Variants in NARS1 observed in about 807,000 individuals in gnomAD.
The protein encoded by NARS1 is asparaginyl-tRNA synthetase 1.
NARS1 carries 65 observed loss-of-function variants against 79.2 expected under a neutral mutation model. The observed-to-expected ratio is 0.82, with a 90% CI of 0.67 to 1.01. NARS1 has a LOEUF of 1.01. NARS1 is among the 50% of genes least tolerant of loss of function. The pLI, the probability that NARS1 is intolerant of heterozygous loss-of-function variation, is 0.00. For missense variants in NARS1, 649 were observed against 673.8 expected, an observed-to-expected ratio of 0.96 and a Z score of 0.41; for synonymous variants, 229 against 238.8, an observed-to-expected ratio of 0.96 and a Z score of 0.38.
At chr18:57,620,750 G>A (rs920027506) in intron 1 of NARS1, 99 bp from the exon 2 acceptor site, 6 of 635,924 alleles carry the variant, frequency 9.4e-6, no homozygotes, top group African/African-American at 9.3e-5. Flanking sequence ...AACAAGCATC[G>A]ATTAATAAAA....
chr18:57,616,077 A>C, intron 2 of NARS1, 102 bp from the exon 3 acceptor site: 1 of 1,071,950 alleles, frequency 9.3e-7, no homozygotes. Flanking sequence ...TCTAAGCATA[A>C]AGACCCCAAC....
At chr18:57,604,847 C>T (rs1022766881) in intron 11 of NARS1, among the ~76,000 whole-genome samples, 2 of 152,114 alleles carry the variant, frequency 1.3e-5, no homozygotes, top group Non-Finnish European at 2.9e-5. Flanking sequence ...TATGATCGCA[C>T]CAATGCATTC....
In NARS1 at chr18:57,607,530, C is replaced by T; in HGVS notation, c.715G>A (p.Gly239Arg). ...TTTAGGATTTTGGACATGTTTTCTCCTCGGATCATCATGTGTCTGTTGTTG... is the reference window on the plus strand; with the variant it reads ...TTTAGGATTTTGGACATGTTTTCTCTTCGGATCATCATGTGTCTGTTGTTG... ...QLNNRHMMIR[G>R]ENMSKILKAR... The change falls in exon 8 of 14, where the codon GGA becomes AGA. Residue 239 changes from glycine (G) to arginine (R), a missense_variant. Coordinates refer to ENST00000256854, the MANE Select transcript of NARS1 (RefSeq NM_004539.4). The T allele has an allele frequency of 6.2e-7, 1 of 1,614,120 alleles. No individual in the cohort carries two copies. The highest frequency in any genetic ancestry group is 8.5e-7 in the Non-Finnish European group (1 of 1,180,034).
rs1159481029 is a variant in NARS1, at chr18:57,602,475, C to T, written c.1395G>A (p.Leu465=). 2 of 1,613,780 alleles carry T rather than the reference C, an allele frequency of 1.2e-6. No homozygotes were observed. Among genetic ancestry groups the T allele is most frequent in the Admixed American group, 3.3e-5 (2 of 59,980 alleles). ...CCACAATCTCACCAACATTGGGCATCAACACGTCGACCTTTAAATATAAGT... is the reference window on the plus strand; with the variant it reads ...CCACAATCTCACCAACATTGGGCATTAACACGTCGACCTTTAAATATAAGT... ...DSRLTESVDV[L]MPNVGEIVGG... Residue 465 remains leucine, a synonymous_variant, in exon 13 of 14, where the codon TTG becomes TTA. Transcript: ENST00000256854.
At chr18:57,609,774 T>C (rs551042455) in intron 6 of NARS1, among the ~76,000 whole-genome samples, 13 of 152,290 alleles carry the variant, frequency 8.5e-5, no homozygotes, top group Admixed American at 6.5e-4. Context: ...TAAAGTAACA[T>C]ACAGGTTAGG....
intron 2 of NARS1, among the ~76,000 whole-genome samples, chr18:57,618,094 C>T (rs143974728): frequency 0.097 from 14,506 of 148,978 alleles, 826 homozygotes; most frequent in Non-Finnish European, 0.13. Flanking sequence ...CTGGCCAACA[C>T]GGTGAAACAC....
In NARS1 at chr18:57,615,660, C is replaced by T. The variant is rs777515260; in HGVS notation, c.323G>A (p.Ser108Asn). Residue 108 changes from serine (S) to asparagine (N), a missense_variant, in exon 4 of 14, where the codon AGT becomes AAT. Physicochemically the swap from Ser to Asn is conservative, Grantham distance 46. Coordinates refer to ENST00000256854, the MANE Select transcript of NARS1 (RefSeq NM_004539.4). The stretch of plus-strand genomic sequence containing the variant: ...ACTTACACATTTTGGCTCTGGGAGA[C>T]TTGGATCATTTTTAATGGTAATCTT... ...AKKITIKNDP[S>N]LPEPKCVKIG... 1 of 1,612,396 alleles carries T rather than the reference C, an allele frequency of 6.2e-7. No homozygotes were observed. Among genetic ancestry groups the T allele is most frequent in the South Asian group, 1.1e-5 (1 of 90,860 alleles).
At position 57,601,777 on chromosome 18, in the gene NARS1, ATTTTCTCTG is replaced by A; in HGVS notation, c.1516-3_1521del. ...TATCCTCCATGGGGACATGTACCGTATTTTCTCTGTTTAAAAAAAGAAAGAAAGAAAGAG... is the reference window on the plus strand; with the variant it reads ...TATCCTCCATGGGGACATGTACCGTATTTAAAAAAAGAAAGAAAGAAAGAG... On this transcript the variant is annotated splice_acceptor_variant and splice_polypyrimidine_tract_variant and coding_sequence_variant and intron_variant, in exon 14 of 14. Coordinates refer to ENST00000256854, the MANE Select transcript of NARS1 (RefSeq NM_004539.4). LOFTEE classifies it high-confidence loss of function. The A allele has an allele frequency of 6.2e-7, 1 of 1,613,054 alleles. No homozygotes were observed. The highest frequency in any genetic ancestry group is 1.1e-5 in the South Asian group (1 of 91,048).
chr18:57,606,353 A>AATAT (rs71855772), intron 10 of NARS1, among the ~76,000 whole-genome samples: 2 of 10,924 alleles, frequency 1.8e-4, no homozygotes, highest in African/African-American at 2.7e-4. Flanking sequence ...TCAAAAAAAA[A>AATAT]ATATATATAT....
chr18:57,611,785 T>A, intron 5 of NARS1, 78 bp from the exon 6 acceptor site: 1 of 767,636 alleles, frequency 1.3e-6, no homozygotes, highest in Non-Finnish European at 1.8e-6. Context: ...ATTTTAAAGA[T>A]AGGGTCTCAC....
chr18:57,605,134 A>AAAAAAAAAT (rs536569272), intron 11 of NARS1, among the ~76,000 whole-genome samples: 5 of 135,214 alleles, frequency 3.7e-5, no homozygotes, highest in African/African-American at 1.4e-4. Context: ...AAAAAAAAAA[A>AAAAAAAAAT]ATATATATAT....
chr18:57,613,546 C>T (rs1210574673), intron 5 of NARS1, 56 bp downstream of exon 5: 3 of 1,417,422 alleles, frequency 2.1e-6, no homozygotes, highest in Non-Finnish European at 2.9e-6. Context: ...TGTTTTTCTT[C>T]ATCTAAGAGC....
At chr18:57,621,252 CTCT>C (rs1414089120) in intron 1 of NARS1, among the ~76,000 whole-genome samples, 5 of 150,072 alleles carry the variant, frequency 3.3e-5, no homozygotes, top group Non-Finnish European at 5.9e-5. Context: ...CCAGGTCTCT[CTCT>C]TTTTTTTTTT....
At chr18:57,608,437 C>CA (rs1175712420) in intron 7 of NARS1, among the ~76,000 whole-genome samples, 32,689 of 78,232 alleles carry the variant, frequency 0.42, 7,817 homozygotes, top group Non-Finnish European at 0.48. Flanking sequence ...AACTCCGTCT[C>CA]AAAAAAAAAA....
At chr18:57,606,210 G>A (rs575428303) in intron 10 of NARS1, among the ~76,000 whole-genome samples, 2 of 151,750 alleles carry the variant, frequency 1.3e-5, no homozygotes, top group East Asian at 1.9e-4. Context: ...TTAGCTGGGG[G>A]TGGTGGTGGG....
At position 57,601,601 on chromosome 18, in the gene NARS1, A is replaced by G; in HGVS notation, c.*51T>C. On this transcript the variant is annotated 3_prime_UTR_variant, in exon 14 of 14. Coordinates refer to ENST00000256854, the MANE Select transcript of NARS1 (RefSeq NM_004539.4). ...ATTCTGGCTTTTTGTTTTCTTTTTT[A>G]AAGAGCCTGTTCCTTTCATAATCTT... The G allele has an allele frequency of 6.6e-7, 1 of 1,515,096 alleles. No individual in the cohort carries two copies. Among genetic ancestry groups the G allele is most frequent in the Non-Finnish European group, 8.9e-7 (1 of 1,122,808 alleles). The allele number at this position is 1,515,096 out of a possible 1,614,324, so 93.9% of individuals were successfully genotyped here.
intron 4 of NARS1, among the ~76,000 whole-genome samples, chr18:57,614,841 A>G (rs2051634536): frequency 6.6e-6 from 1 of 152,156 alleles, no homozygotes; most frequent in South Asian, 2.1e-4. Context: ...CTAAAGAACT[A>G]GCCTCATAAC....
chr18:57,613,848 C>G (rs2051625967), intron 4 of NARS1, among the ~76,000 whole-genome samples, 168 bp from the exon 5 acceptor site: 1 of 152,130 alleles, frequency 6.6e-6, no homozygotes, highest in South Asian at 2.1e-4. Flanking sequence ...ACTGTATTGG[C>G]ATGGTTTAAA....
intron 1 of NARS1, 27 bp from the exon 2 acceptor site, chr18:57,620,678 T>A (rs375616485): frequency 6.8e-7 from 1 of 1,466,906 alleles, no homozygotes. Flanking sequence ...GGGTAAGTTA[T>A]GGTCTGGCCA....
Sources: gnomAD v4.1 joint callset for allele counts (sites outside exome capture counted in the v4.1 genomes callset) on GRCh38, gnomAD v4.1.1 for gene constraint, MANE v1.5 for transcripts, NCBI Gene and HGNC (gene_info 2026-07-23, HGNC 2026-07-21) for gene names.